NCKAP5: variants seen among roughly 807,000 people sequenced by gnomAD.
NCKAP5 encodes nck-associated protein 5.
In NCKAP5, 92 loss-of-function variants were observed where a neutral mutation model predicts 167.0. That is an observed-to-expected ratio of 0.55 (90% CI 0.47 to 0.66). The LOEUF is 0.66. Among genes scored for constraint, NCKAP5 ranks in the 30% least tolerant of loss-of-function variants. The pLI is 0.00. For missense variants in NCKAP5, 2,378 were observed against 2,315.0 expected (o/e 1.03, Z -0.56); for synonymous variants, 891 against 877.4 (o/e 1.02, Z -0.27).
chr2:132,769,937 T>TA (rs1181330040), intron 16 of NCKAP5, among the ~76,000 whole-genome samples: 1 of 152,216 alleles, frequency 6.6e-6, no homozygotes, highest in Admixed American at 6.5e-5. Flanking sequence ...AGTAAATAGA[T>TA]ACAATGAGCC....
chr2:133,391,363 G>A (rs1193884596), intron 3 of NCKAP5: 1 of 157,400 alleles, frequency 6.4e-6, no homozygotes, highest in African/African-American at 2.4e-5. Context: ...GCAGTCAATG[G>A]GGGACAGATA....
chr2:132,793,838 C>A (rs1684271278), intron 12 of NCKAP5, among the ~76,000 whole-genome samples: 1 of 152,164 alleles, frequency 6.6e-6, no homozygotes, highest in Admixed American at 6.5e-5. Flanking sequence ...CTTCCCCCAC[C>A]TTGGAAAATC....
Position 132,731,780 on chromosome 2 carries a change from C to T in NCKAP5, c.5400G>A (p.Gly1800=), listed in dbSNP as rs781151641. The change falls in exon 17 of 20, where the codon GGG becomes GGA. Residue 1800 remains glycine, a synonymous_variant. Transcript: ENST00000409261. ...STSDPIMTAR[G]MRPLQSRLPK... ...GGAGGCGGCTCTGAAGAGGCCTCAT[C>T]CCTCTGGCGGTCATGATGGGGTCGG... 9 of 1,612,628 alleles carry T rather than the reference C, an allele frequency of 5.6e-6. No individual in the cohort carries two copies. The East Asian group carries it at 1.8e-4, about 32-fold the overall frequency.
chr2:133,655,422 A>C, the NCKAP5 span, among the ~76,000 whole-genome samples: 5 of 152,228 alleles, frequency 3.3e-5, no homozygotes, highest in African/African-American at 4.8e-5. Context: ...GGATGTCAAG[A>C]GAGAACAGAG....
intron 7 of NCKAP5, among the ~76,000 whole-genome samples, chr2:132,971,807 GAGA>G (rs747991155): frequency 2.2e-4 from 33 of 152,306 alleles, no homozygotes; most frequent in Middle Eastern, 3.4e-3. Context: ...GCTGGGGGAG[GAGA>G]AGAAGTACGG....
intron 6 of NCKAP5, among the ~76,000 whole-genome samples, chr2:133,071,485 C>T (rs189655713): frequency 1.1e-3 from 160 of 152,226 alleles, no homozygotes; most frequent in Non-Finnish European, 1.6e-3. Flanking sequence ...ATCACAGTGG[C>T]CCTAACATGC....
In NCKAP5 at chr2:132,781,069, C is replaced by T; in HGVS notation, c.5032G>A (p.Val1678Ile). 1 of 1,613,226 alleles carries T rather than the reference C, an allele frequency of 6.2e-7. No homozygotes were observed. Among genetic ancestry groups the T allele is most frequent in the Non-Finnish European group, 8.5e-7 (1 of 1,179,544 alleles). ...KNMKIKADMEVPKDSLVKEAN... is the reference protein window; with the variant it reads ...KNMKIKADMEIPKDSLVKEAN... ...GCACTTACCAGGGAGTCTTTTGGTACTTCCATATCGGCTTTGATTTTCATG... is the reference window on the plus strand; with the variant it reads ...GCACTTACCAGGGAGTCTTTTGGTATTTCCATATCGGCTTTGATTTTCATG... Residue 1678 changes from valine (V) to isoleucine (I), a missense_variant, in exon 15 of 20, where the codon GTA (valine) becomes ATA (isoleucine). Val to Ile is a conservative substitution (Grantham distance 29). Coordinates refer to ENST00000409261, the MANE Select transcript of NCKAP5 (RefSeq NM_207363.3).
At chr2:133,397,851 T>C (rs112160362) in intron 3 of NCKAP5, among the ~76,000 whole-genome samples, 22 of 152,334 alleles carry the variant, frequency 1.4e-4, no homozygotes, top group South Asian at 6.2e-4. Flanking sequence ...AAATCTGATA[T>C]GTAATTCCCC....
chr2:133,547,562 C>A (rs1160188981), intron 2 of NCKAP5, among the ~76,000 whole-genome samples: 3 of 151,656 alleles, frequency 2.0e-5, no homozygotes, highest in African/African-American at 2.4e-5. Context: ...TCAAGTGGGT[C>A]CCTGACCCCT....
intron 19 of NCKAP5, among the ~76,000 whole-genome samples, chr2:132,718,309 C>G (rs1689567412): frequency 6.6e-6 from 1 of 152,206 alleles, no homozygotes; most frequent in South Asian, 2.1e-4. Context: ...CTACCCAGTT[C>G]TACTTGAAGA....
At chr2:132,758,036 G>C (rs926692898) in intron 16 of NCKAP5, among the ~76,000 whole-genome samples, 1 of 152,018 alleles carries the variant, frequency 6.6e-6, no homozygotes, top group Non-Finnish European at 1.5e-5. Context: ...CAAATCACTC[G>C]CCAATCCCGA....
At chr2:133,447,040 T>C (rs1691237725) in intron 3 of NCKAP5, among the ~76,000 whole-genome samples, 1 of 152,042 alleles carries the variant, frequency 6.6e-6, no homozygotes. Context: ...GAAAGAACCA[T>C]TGGTAAAGCT....
In NCKAP5 at chr2:133,559,599, C is replaced by T. The variant is rs79207757; in HGVS notation, c.-129-482G>A. Among the ~76,000 whole-genome samples, 1,047 of 152,238 alleles carry T rather than the reference C, an allele frequency of 6.9e-3. 11 individuals are homozygous for T. Among genetic ancestry groups the T allele is most frequent in the African/African-American group, 0.024 (1,015 of 41,546 alleles). ...CAGCCTGAGTCACTGAGATTATAAG[C>T]GTGAGCCCCTCACCCAGCTACTGTT... On this transcript the variant is annotated intron_variant, in intron 1 of 19. Coordinates refer to ENST00000409261, the MANE Select transcript of NCKAP5 (RefSeq NM_207363.3).
intron 16 of NCKAP5, among the ~76,000 whole-genome samples, chr2:132,741,664 G>GA (rs147424787): frequency 6.6e-6 from 1 of 151,954 alleles, no homozygotes; most frequent in Admixed American, 6.6e-5. Context: ...TTTTCTAACT[G>GA]AAAAAAACAA....
chr2:132,936,428 G>T (rs1156490838), intron 8 of NCKAP5, among the ~76,000 whole-genome samples: 1 of 152,182 alleles, frequency 6.6e-6, no homozygotes, highest in South Asian at 2.1e-4. Flanking sequence ...TTTCCCATGT[G>T]TGACTCACTT....
At chr2:133,522,374 C>G (rs1019704479) in intron 2 of NCKAP5, among the ~76,000 whole-genome samples, 1 of 152,102 alleles carries the variant, frequency 6.6e-6, no homozygotes, top group Non-Finnish European at 1.5e-5. Context: ...TTTCCTTTTT[C>G]TAGGCTTGAC....
In NCKAP5 at chr2:132,782,815, C is replaced by G; in HGVS notation, c.3996G>C (p.Leu1332Phe). 1 of 1,613,828 alleles carries G rather than the reference C, an allele frequency of 6.2e-7. No individual in the cohort carries two copies. The change falls in exon 14 of 20, where the codon TTG becomes TTC. Residue 1332 changes from leucine (L) to phenylalanine (F), a missense_variant. This residue lies in a region of NCKAP5 where 1,325 missense variants were observed against 1,274.5 expected (regional missense o/e 1.04). Transcript: ENST00000409261. ...SPNKAPSAPM[L>F]ESLPSVGRPS... Reference sequence around the variant, plus strand: ...GCCTCCCAACACTGGGGAGACTCTCCAACATGGGAGCAGAAGGGGCCTTGT... The same window carrying G: ...GCCTCCCAACACTGGGGAGACTCTCGAACATGGGAGCAGAAGGGGCCTTGT...
intron 8 of NCKAP5, among the ~76,000 whole-genome samples, chr2:132,904,374 A>C (rs1558923837): frequency 6.6e-6 from 1 of 151,264 alleles, no homozygotes; most frequent in Non-Finnish European, 1.5e-5. Context: ...TAAAAATTAA[A>C]AAATATATTC....
intron 6 of NCKAP5, among the ~76,000 whole-genome samples, chr2:133,090,327 C>T (rs1048667260): frequency 6.6e-5 from 10 of 151,732 alleles, no homozygotes; most frequent in African/African-American, 9.7e-5. Context: ...CTAAATCCAA[C>T]GACAAGCATT....
Sources: allele counts gnomAD v4.1 joint callset (sites outside exome capture counted in the v4.1 genomes callset), GRCh38; gene constraint gnomAD v4.1.1; regional missense constraint gnomAD v4.1.1; transcripts MANE v1.5; gene names NCBI Gene and HGNC (gene_info 2026-07-23, HGNC 2026-07-21).